KIDINS220: variants seen among roughly 807,000 people sequenced by gnomAD.
KIDINS220 encodes the protein kinase D-interacting substrate of 220 kDa.
Under a neutral mutation model 157.6 loss-of-function variants are expected in KIDINS220, and 63 were observed. The observed-to-expected ratio is 0.40, with a 90% CI of 0.33 to 0.49. The LOEUF is 0.49. Among genes scored for constraint, KIDINS220 ranks in the 20% least tolerant of loss-of-function variants. The pLI is 0.66. For missense variants in KIDINS220, 1,772 were observed against 2,171.2 expected, an observed-to-expected ratio of 0.82 and a Z score of 3.65; for synonymous variants, 732 against 783.6, an observed-to-expected ratio of 0.93 and a Z score of 1.10.
chr2:8,747,407 G>T, intron 25 of KIDINS220: 1 of 564,066 alleles, frequency 1.8e-6, no homozygotes, highest in Non-Finnish European at 3.1e-6. Context: ...AATATTTTGG[G>T]CACAAATGTC....
At chr2:8,792,264 A>G (rs1164728137) in intron 12 of KIDINS220, among the ~76,000 whole-genome samples, 1 of 152,226 alleles carries the variant, frequency 6.6e-6, no homozygotes, top group Non-Finnish European at 1.5e-5. Flanking sequence ...TGAATAAACT[A>G]CAAAAATGTA....
chr2:8,788,551 G>C (rs1415842725), intron 15 of KIDINS220, 96 bp downstream of exon 15: 10 of 1,223,566 alleles, frequency 8.2e-6, no homozygotes, highest in Non-Finnish European at 1.2e-6. Flanking sequence ...TTACAAGCGT[G>C]AGCCACCACA....
intron 22 of KIDINS220, among the ~76,000 whole-genome samples, chr2:8,763,425 G>A (rs920787791): frequency 3.9e-5 from 6 of 152,002 alleles, no homozygotes; most frequent in African/African-American, 9.7e-5. Context: ...ACATCACGTC[G>A]GCACTCAGTT....
At chr2:8,728,768 A>T, downstream of KIDINS220, 1 of 729,842 alleles carries the variant, frequency 1.4e-6, no homozygotes, top group Non-Finnish European at 1.7e-6. Context: ...TAAAAAGACT[A>T]GTTGGGAGCA....
chr2:8,792,828 A>C (rs1673388295), intron 12 of KIDINS220, among the ~76,000 whole-genome samples: 1 of 152,102 alleles, frequency 6.6e-6, no homozygotes, highest in South Asian at 2.1e-4. Flanking sequence ...AAAAGAAAGA[A>C]AAAAAATCCT....
intron 2 of KIDINS220, among the ~76,000 whole-genome samples, chr2:8,826,091 AT>A (rs1678775225): frequency 6.6e-6 from 1 of 152,154 alleles, no homozygotes; most frequent in African/African-American, 2.4e-5. Flanking sequence ...CTCAAAAAAA[AT>A]AAAATAATAT....
intron 6 of KIDINS220, among the ~76,000 whole-genome samples, chr2:8,806,728 C>T (rs1675509900): frequency 1.3e-5 from 2 of 152,124 alleles, no homozygotes; most frequent in South Asian, 4.1e-4. Flanking sequence ...TACAGGTATG[C>T]ACCACCACAA....
intron 22 of KIDINS220, among the ~76,000 whole-genome samples, chr2:8,769,518 G>GATTA (rs1426829821): frequency 6.6e-6 from 1 of 152,084 alleles, no homozygotes; most frequent in Non-Finnish European, 1.5e-5. Context: ...AGTGTCAAGG[G>GATTA]ATTACCTGTT....
chr2:8,755,579 C>T (rs150622466), intron 22 of KIDINS220, among the ~76,000 whole-genome samples: 3 of 152,310 alleles, frequency 2.0e-5, no homozygotes, highest in Non-Finnish European at 4.4e-5. Flanking sequence ...TAATTTTCAC[C>T]TTAATTGTCC....
In KIDINS220 at chr2:8,733,616, C is replaced by T. The variant is rs1048369601; in HGVS notation, c.3881G>A (p.Ser1294Asn). The part of the protein sequence containing the change: ...VPEDPRFLSE[S>N]SSGPAPHGEP... ...ACCGTGCGGGGCTGGGCCACTGCTGCTCTCACTGAGGAAACGTGGGTCTTC... is the reference window on the plus strand; with the variant it reads ...ACCGTGCGGGGCTGGGCCACTGCTGTTCTCACTGAGGAAACGTGGGTCTTC... Residue 1294 changes from serine (S) to asparagine (N), a missense_variant, in exon 29 of 30, where the codon AGC becomes AAC. This residue lies in a region of KIDINS220 where 793 missense variants were observed against 885.5 expected (regional missense o/e 0.90). Coordinates refer to ENST00000256707, the MANE Select transcript of KIDINS220 (RefSeq NM_020738.4). 6.2e-7 allele frequency: 1 copy of T among 1,612,018 alleles called. No individual in the cohort carries two copies. Among genetic ancestry groups the T allele is most frequent in the African/African-American group, 1.3e-5 (1 of 74,908 alleles).
At chr2:8,747,433 A>C (rs1389863412) in intron 25 of KIDINS220, 2 of 551,574 alleles carry the variant, frequency 3.6e-6, no homozygotes, top group Non-Finnish European at 6.5e-6. Flanking sequence ...TAGATTCAAT[A>C]GTTCATTGGA....
At chr2:8,773,308 G>A (rs1670484132) in intron 21 of KIDINS220, among the ~76,000 whole-genome samples, 1 of 152,150 alleles carries the variant, frequency 6.6e-6, no homozygotes. Context: ...ATTCTGAAAT[G>A]TGTAAACATC....
intron 2 of KIDINS220, among the ~76,000 whole-genome samples, chr2:8,824,861 T>C (rs942995716): frequency 9.2e-5 from 14 of 152,232 alleles, no homozygotes; most frequent in African/African-American, 3.4e-4. Context: ...AAGGAAATCC[T>C]GTTACGTGCT....
intron 22 of KIDINS220, among the ~76,000 whole-genome samples, chr2:8,766,373 C>T (rs1028238367): frequency 6.6e-6 from 1 of 152,200 alleles, no homozygotes; most frequent in African/African-American, 2.4e-5. Flanking sequence ...TTCCCTTCTC[C>T]ATGAGGACAA....
At chr2:8,757,520 C>T (rs1668162087) in intron 22 of KIDINS220, 2 of 1,436,976 alleles carry the variant, frequency 1.4e-6, no homozygotes, top group Non-Finnish European at 1.8e-6. Context: ...CTGTTGTTTG[C>T]TCTTTAATGT....
At chr2:8,794,188 C>T in intron 11 of KIDINS220, 1 of 407,828 alleles carries the variant, frequency 2.5e-6, no homozygotes, top group South Asian at 4.8e-5. Context: ...TGCTCAGATA[C>T]TGTTTCTCCC....
At chr2:8,757,919 G>A (rs1668240016) in intron 22 of KIDINS220, 1 of 762,394 alleles carries the variant, frequency 1.3e-6, no homozygotes, top group Non-Finnish European at 2.2e-6. Context: ...CTGGAGTGCA[G>A]TGGTGCAATC....
rs546081650 is a variant in KIDINS220, at chr2:8,780,711, T to C, written c.2230-897A>G. On this transcript the variant is annotated intron_variant, in intron 17 of 29. Transcript: ENST00000256707. Reference sequence around the variant, plus strand: ...GATATAGTATTACTTGAAAGTGGGCTTGGATTAGTTATAAATGCATATTGC... The same window carrying C: ...GATATAGTATTACTTGAAAGTGGGCCTGGATTAGTTATAAATGCATATTGC... 1.5e-4 allele frequency among the ~76,000 whole-genome samples: 23 copies of C among 152,138 alleles called. No homozygotes were observed. The East Asian group carries it at 4.3e-3, about 28-fold the overall frequency.
chr2:8,806,296 C>G lies in KIDINS220; in HGVS notation c.578G>C (p.Gly193Ala), dbSNP rs759436793. 1 of 1,610,864 alleles carries G rather than the reference C, an allele frequency of 6.2e-7. No homozygotes were observed. The highest frequency in any genetic ancestry group is 1.1e-5 in the South Asian group (1 of 90,412). Residue 193 changes from glycine to alanine, a missense_variant, in exon 7 of 30, where the codon GGA (glycine) becomes GCA (alanine). Gly to Ala is a moderately conservative substitution (Grantham distance 60, BLOSUM62 0). Around this residue, in one of 3 missense-constraint regions of KIDINS220, gnomAD observed 254 missense variants for 268.6 expected, o/e 0.95. Transcript: ENST00000256707. Reference protein sequence around the residue: ...LECVKHLLAMGADVDQEGANS... With the variant: ...LECVKHLLAMAADVDQEGANS... Reference sequence around the variant, plus strand: ...AGCTCCTTCTTGATCCACATCAGCTCCCATGGCCAATAAATGTTTCACACA... The same window carrying G: ...AGCTCCTTCTTGATCCACATCAGCTGCCATGGCCAATAAATGTTTCACACA...
Sources: allele counts gnomAD v4.1 joint callset (sites outside exome capture counted in the v4.1 genomes callset), GRCh38; gene constraint gnomAD v4.1.1; regional missense constraint gnomAD v4.1.1; transcripts MANE v1.5; gene names NCBI Gene and HGNC (gene_info 2026-07-23, HGNC 2026-07-21).